The following ENPP6 variants were observed in gnomAD, a reference collection of about 807,000 sequenced individuals.
ENPP6 encodes glycerophosphocholine cholinephosphodiesterase ENPP6.
A neutral mutation model predicts 42.0 loss-of-function variants in ENPP6; 32 were observed. The ratio of observed to expected loss-of-function variants is 0.76; its 90% CI spans 0.58 to 1.02. ENPP6 has a LOEUF of 1.02. ENPP6 is among the 50% of genes least tolerant of loss of function. ENPP6 has a pLI of 0.00. For missense variants in ENPP6, 552 were observed against 566.8 expected (o/e 0.97, Z 0.27); for synonymous variants, 213 against 216.0 (o/e 0.99, Z 0.12).
At chr4:184,194,130 T>C (rs1482984928) in intron 1 of ENPP6, among the ~76,000 whole-genome samples, 3 of 152,164 alleles carry the variant, frequency 2.0e-5, no homozygotes, top group Admixed American at 6.5e-5. Flanking sequence ...TGGTCCCTCA[T>C]CTACTCAGAT....
intron 1 of ENPP6, among the ~76,000 whole-genome samples, chr4:184,194,003 G>T (rs932044336): frequency 5.3e-5 from 8 of 152,090 alleles, no homozygotes; most frequent in African/African-American, 1.9e-4. Flanking sequence ...TTTGGCCTCT[G>T]TTGCCACGGT....
intron 3 of ENPP6, among the ~76,000 whole-genome samples, chr4:184,123,896 C>T (rs1188473425): frequency 6.6e-6 from 1 of 152,170 alleles, no homozygotes; most frequent in Non-Finnish European, 1.5e-5. Context: ...TATATTGTTT[C>T]TCCGTTGTTT....
intron 1 of ENPP6, among the ~76,000 whole-genome samples, chr4:184,176,515 G>A (rs59926116): frequency 7.8e-4 from 118 of 152,174 alleles, no homozygotes; most frequent in African/African-American, 2.6e-3. Flanking sequence ...GCAGTGTGCC[G>A]TATTGCATCT....
Position 184,217,716 on chromosome 4 carries a change from C to T in ENPP6, c.104G>A (p.Arg35His), listed in dbSNP as rs200037984. Reference sequence around the variant, plus strand: ...CGCCTCATCACTGATGTAGTCTGAGCGAAAACCATCCAGCAGAAACACCAG... The same window carrying T: ...CGCCTCATCACTGATGTAGTCTGAGTGAAAACCATCCAGCAGAAACACCAG... ...KLLVFLLDGF[R>H]SDYISDEALE... The change falls in exon 1 of 8, where the codon CGC becomes CAC. Residue 35 changes from arginine (R) to histidine (H), a missense_variant. Coordinates refer to ENST00000296741, the MANE Select transcript of ENPP6 (RefSeq NM_153343.4). The T allele has an allele frequency of 2.8e-5, 45 of 1,614,186 alleles. 1 individual carries two copies. In the South Asian group the frequency reaches 3.1e-4, roughly 11 times the overall value.
chr4:184,135,496 T>C (rs950924595), intron 2 of ENPP6, among the ~76,000 whole-genome samples: 11 of 152,356 alleles, frequency 7.2e-5, no homozygotes, highest in African/African-American at 2.4e-4. Flanking sequence ...AATGTTATTA[T>C]AGCTGCACCA....
intron 6 of ENPP6, among the ~76,000 whole-genome samples, chr4:184,104,086 C>T (rs1253197733): frequency 6.6e-6 from 1 of 151,954 alleles, no homozygotes; most frequent in African/African-American, 2.4e-5. Context: ...TGCTCCCACA[C>T]AGCTCCCACA....
intron 1 of ENPP6, among the ~76,000 whole-genome samples, chr4:184,190,545 G>A (rs929989568): frequency 2.0e-5 from 3 of 152,214 alleles, no homozygotes; most frequent in Admixed American, 6.5e-5. Flanking sequence ...ATGAGATGGG[G>A]AAGAGAACAG....
chr4:184,110,019 C>T (rs1367857512), intron 6 of ENPP6, among the ~76,000 whole-genome samples: 1 of 152,072 alleles, frequency 6.6e-6, no homozygotes, highest in Non-Finnish European at 1.5e-5. Context: ...GTACTTGGAC[C>T]CACAGCAGAG....
chr4:184,194,165 C>A (rs756026880), intron 1 of ENPP6, among the ~76,000 whole-genome samples: 1 of 152,226 alleles, frequency 6.6e-6, no homozygotes, highest in Non-Finnish European at 1.5e-5. Context: ...CGGTCAGCAT[C>A]TCCGGGCCTT....
chr4:184,162,707 A>C (rs1013016427), intron 1 of ENPP6, among the ~76,000 whole-genome samples: 6 of 152,160 alleles, frequency 3.9e-5, no homozygotes, highest in African/African-American at 1.4e-4. Flanking sequence ...TATTCCCCAC[A>C]CTCAGAGTTC....
intron 1 of ENPP6, among the ~76,000 whole-genome samples, chr4:184,215,912 T>C (rs1733187844): frequency 6.6e-6 from 1 of 152,066 alleles, no homozygotes; most frequent in African/African-American, 2.4e-5. Context: ...TGTGTGCAAA[T>C]TATTCCTTGT....
intron 7 of ENPP6, among the ~76,000 whole-genome samples, chr4:184,092,601 T>C (rs1166867816): frequency 6.6e-6 from 1 of 152,232 alleles, no homozygotes; most frequent in Admixed American, 6.5e-5. Context: ...TTCAAAGCAC[T>C]TGTCCATTTA....
At chr4:184,104,408 G>A (rs1736053762) in intron 6 of ENPP6, among the ~76,000 whole-genome samples, 1 of 152,206 alleles carries the variant, frequency 6.6e-6, no homozygotes, top group Non-Finnish European at 1.5e-5. Flanking sequence ...AGTCAGGCAG[G>A]GGTCCAGACC....
At chr4:184,215,601 G>A (rs1733183783) in intron 1 of ENPP6, among the ~76,000 whole-genome samples, 1 of 152,186 alleles carries the variant, frequency 6.6e-6, no homozygotes, top group South Asian at 2.1e-4. Context: ...AAGGACATTT[G>A]TACAGAAACA....
chr4:184,132,403 CCTTTTT>C (rs201371966), intron 2 of ENPP6, among the ~76,000 whole-genome samples: 1,558 of 151,434 alleles, frequency 0.01, 24 homozygotes, highest in South Asian at 0.04. Flanking sequence ...TTGACTTTTT[CCTTTTT>C]ATTTATAGGA....
chr4:184,208,543 A>G (rs1733041099), intron 1 of ENPP6, among the ~76,000 whole-genome samples: 1 of 152,122 alleles, frequency 6.6e-6, no homozygotes, highest in South Asian at 2.1e-4. Flanking sequence ...GGCTTAAAAA[A>G]CGGCGGACCA....
intron 2 of ENPP6, among the ~76,000 whole-genome samples, chr4:184,138,949 G>A (rs535852156): frequency 1.3e-5 from 2 of 152,374 alleles, no homozygotes; most frequent in South Asian, 2.1e-4. Context: ...GATCTACTAA[G>A]ATGATTACAG....
intron 2 of ENPP6, among the ~76,000 whole-genome samples, chr4:184,149,479 T>C (rs1579636111): frequency 1.3e-5 from 2 of 152,212 alleles, no homozygotes; most frequent in African/African-American, 2.4e-5. Context: ...CTGGAAAGTG[T>C]GGGATTGGAA....
intron 3 of ENPP6, among the ~76,000 whole-genome samples, chr4:184,119,516 A>G (rs1456121434): frequency 6.6e-6 from 1 of 152,106 alleles, no homozygotes; most frequent in African/African-American, 2.4e-5. Flanking sequence ...GGGTCATTGG[A>G]ACTAGACAAA....
Sources: gnomAD v4.1 joint callset for allele counts (sites outside exome capture counted in the v4.1 genomes callset) on GRCh38, gnomAD v4.1.1 for gene constraint, MANE v1.5 for transcripts, NCBI Gene and HGNC (gene_info 2026-07-23, HGNC 2026-07-21) for gene names.